The following ARHGAP44 variants were observed in gnomAD, a reference collection of about 807,000 sequenced individuals.
ARHGAP44 encodes the protein Rho GTPase activating protein 44.
A neutral mutation model predicts 106.8 loss-of-function variants in ARHGAP44; 43 were observed. The observed-to-expected ratio is 0.40, with a 90% confidence interval of 0.32 to 0.52. ARHGAP44 has a LOEUF of 0.52. Ranked by LOEUF, ARHGAP44 falls within the 20% of genes least tolerant of loss-of-function variation. ARHGAP44 has a pLI of 0.48. For missense variants in ARHGAP44, 866 were observed against 1,050.5 expected (o/e 0.82, Z 2.43); for synonymous variants, 439 against 410.3 (o/e 1.07, Z -0.85).
chr17:12,987,207 C>A, intron 20 of ARHGAP44: 1 of 1,443,640 alleles, frequency 6.9e-7, no homozygotes, highest in Non-Finnish European at 9.3e-7. Context: ...GGCCAGCTGC[C>A]CGCTCCTCCC....
intron 10 of ARHGAP44, among the ~76,000 whole-genome samples, chr17:12,944,472 T>A (rs1384929936): frequency 2.6e-5 from 4 of 151,524 alleles, no homozygotes; most frequent in Non-Finnish European, 4.4e-5. Context: ...GTTTGGATAA[T>A]TTGGGCATTC....
rs372828653 is a variant in ARHGAP44, at chr17:12,817,218, A to T, written c.53+27327A>T. On this transcript the variant is annotated intron_variant, in intron 1 of 20. Coordinates refer to ENST00000379672, the MANE Select transcript of ARHGAP44 (RefSeq NM_014859.6). ...ATTAAAAAGTATTTAGAACTGAATG[A>T]AAATGAAAACACAACATATCAAAAT... 4.4e-3 allele frequency among the ~76,000 whole-genome samples: 671 copies of T among 152,230 alleles called. 45 individuals carry two copies. The South Asian group carries it at 0.13, about 30-fold the overall frequency.
At chr17:12,916,435 G>T (rs1380101531) in intron 5 of ARHGAP44, among the ~76,000 whole-genome samples, 1 of 152,032 alleles carries the variant, frequency 6.6e-6, no homozygotes, top group Admixed American at 6.5e-5. Context: ...CCAGGCTGGA[G>T]TGCAGTGGTA....
At chr17:12,933,580 A>G (rs1598078773) in intron 7 of ARHGAP44, among the ~76,000 whole-genome samples, 2 of 152,300 alleles carry the variant, frequency 1.3e-5, no homozygotes, top group East Asian at 3.9e-4. Flanking sequence ...GGCTTTCTAT[A>G]AAAGACCCCT....
chr17:12,812,121 A>G (rs1010853338), intron 1 of ARHGAP44, among the ~76,000 whole-genome samples: 4 of 152,220 alleles, frequency 2.6e-5, no homozygotes, highest in Non-Finnish European at 4.4e-5. Flanking sequence ...AACATGAGGC[A>G]AACAAACATG....
chr17:12,798,761 T>C (rs2150758639), intron 1 of ARHGAP44, among the ~76,000 whole-genome samples: 1 of 152,320 alleles, frequency 6.6e-6, no homozygotes, highest in South Asian at 2.1e-4. Context: ...TGTTCAATGT[T>C]CTTTTTGTTC....
intron 7 of ARHGAP44, among the ~76,000 whole-genome samples, chr17:12,937,303 T>C (rs2038575880): frequency 6.6e-6 from 1 of 152,188 alleles, no homozygotes; most frequent in Non-Finnish European, 1.5e-5. Context: ...TATTTCAAAA[T>C]GGCTACTTTT....
rs1202079755 is a variant in ARHGAP44 at position 12,990,225 on chromosome 17, G to A, written c.*54G>A. Reference sequence around the variant, plus strand: ...TACATACATCACGGGCCCTAGGAACGCCGCCAGGAGCAGCGTCCATGAGCT... The same window carrying A: ...TACATACATCACGGGCCCTAGGAACACCGCCAGGAGCAGCGTCCATGAGCT... On this transcript the variant is annotated 3_prime_UTR_variant, in exon 21 of 21. Coordinates refer to ENST00000379672, the MANE Select transcript of ARHGAP44 (RefSeq NM_014859.6). 1.9e-5 allele frequency: 30 copies of A among 1,566,912 alleles called. No homozygotes were observed. In the South Asian group the frequency reaches 2.4e-4, roughly 12 times the overall value.
chr17:12,822,113 GT>G (rs1034529290), intron 1 of ARHGAP44, among the ~76,000 whole-genome samples: 2 of 152,112 alleles, frequency 1.3e-5, no homozygotes, highest in African/African-American at 2.4e-5. Flanking sequence ...TATATAAAGG[GT>G]TGGCAAACTT....
chr17:12,903,134 A>AGTGT (rs2037439416), intron 3 of ARHGAP44, among the ~76,000 whole-genome samples: 10 of 127,320 alleles, frequency 7.9e-5, no homozygotes, highest in Admixed American at 2.4e-4. Context: ...GAGGAGAGAG[A>AGTGT]GAGAGAGTGT....
intron 1 of ARHGAP44, among the ~76,000 whole-genome samples, chr17:12,796,154 A>G (rs1429319770): frequency 6.6e-6 from 1 of 151,750 alleles, no homozygotes; most frequent in Admixed American, 6.6e-5. Context: ...CTATCTATCT[A>G]TCTATCTATC....
At chr17:12,961,690 C>T (rs938125435) in intron 16 of ARHGAP44, among the ~76,000 whole-genome samples, 4 of 152,040 alleles carry the variant, frequency 2.6e-5, no homozygotes, top group Admixed American at 6.5e-5. Context: ...GTCAAGATCA[C>T]GCCATGCATG....
chr17:12,858,348 G>A (rs2035971887), intron 1 of ARHGAP44, among the ~76,000 whole-genome samples: 1 of 152,118 alleles, frequency 6.6e-6, no homozygotes, highest in Non-Finnish European at 1.5e-5. Context: ...AGTTACCTGG[G>A]ATGGATGATT....
chr17:12,832,616 T>C (rs1380161818), intron 1 of ARHGAP44, among the ~76,000 whole-genome samples: 1 of 152,220 alleles, frequency 6.6e-6, no homozygotes, highest in Admixed American at 6.5e-5. Context: ...AGTTAAACTT[T>C]AAACTAAATT....
intron 1 of ARHGAP44, among the ~76,000 whole-genome samples, chr17:12,798,666 A>C (rs1375789910): frequency 6.6e-6 from 1 of 151,978 alleles, no homozygotes; most frequent in East Asian, 1.9e-4. Flanking sequence ...GTTATTTAGG[A>C]TGTTGGCATT....
At chr17:12,878,724 A>G (rs1249357400) in intron 1 of ARHGAP44, among the ~76,000 whole-genome samples, 1 of 150,482 alleles carries the variant, frequency 6.6e-6, no homozygotes, top group Non-Finnish European at 1.5e-5. Flanking sequence ...GGGAAGTCTC[A>G]GAGGAGTGGA....
At chr17:12,835,255 CAGTTG>C (rs2035202918) in intron 1 of ARHGAP44, among the ~76,000 whole-genome samples, 1 of 152,010 alleles carries the variant, frequency 6.6e-6, no homozygotes, top group Non-Finnish European at 1.5e-5. Flanking sequence ...TGAAATAATC[CAGTTG>C]AGTTGAGGCT....
Position 12,951,685 on chromosome 17 carries a change from C to T in ARHGAP44, c.1056-816C>T, listed in dbSNP as rs529861851. Among the ~76,000 whole-genome samples, 13 of 152,270 alleles carry T rather than the reference C, an allele frequency of 8.5e-5. 3 individuals are homozygous for T. In the South Asian group the frequency reaches 2.7e-3, roughly 32 times the overall value. Reference sequence around the variant, plus strand: ...TCTTTGAACCAGGGAAAAACAAGAACCTGTTTCTACCACTGGATGACATGC... The same window carrying T: ...TCTTTGAACCAGGGAAAAACAAGAATCTGTTTCTACCACTGGATGACATGC... On this transcript the variant is annotated intron_variant, in intron 12 of 20. Coordinates refer to ENST00000379672, the MANE Select transcript of ARHGAP44 (RefSeq NM_014859.6).
In ARHGAP44 at chr17:12,847,670, C is replaced by T. The variant is rs375885841; in HGVS notation, c.54-47270C>T. On this transcript the variant is annotated intron_variant, in intron 1 of 20. Coordinates refer to ENST00000379672, the MANE Select transcript of ARHGAP44 (RefSeq NM_014859.6). ...CTGGGACTACAGGTGCCTGCCACTG[C>T]GCCCGGCTAATTTTTTTTTTGTATT... Among the ~76,000 whole-genome samples the T allele has an allele frequency of 1.1e-4, 16 of 152,104 alleles. No individual in the cohort carries two copies. In the South Asian group the frequency reaches 1.9e-3, roughly 18 times the overall value.
Sources: allele counts gnomAD v4.1 joint callset (sites outside exome capture counted in the v4.1 genomes callset), GRCh38; gene constraint gnomAD v4.1.1; transcripts MANE v1.5; gene names NCBI Gene and HGNC (gene_info 2026-07-23, HGNC 2026-07-21).